SOX5: variants seen among roughly 807,000 people sequenced by gnomAD.
SOX5 encodes transcription factor SOX-5.
In SOX5, 9 loss-of-function variants were observed where a neutral mutation model predicts 92.0. The ratio of observed to expected loss-of-function variants is 0.10; its 90% CI spans 0.06 to 0.17. SOX5 has a LOEUF of 0.17. SOX5 is among the 10% of genes least tolerant of loss of function. The probability of loss-of-function intolerance (pLI) is 1.00; values close to 1 mark genes in which losing one functional copy is unlikely to be tolerated. For missense variants in SOX5, 642 were observed against 944.5 expected (o/e 0.68, Z 4.20); for synonymous variants, 344 against 336.3 (o/e 1.02, Z -0.25).
chr12:24,435,762 GTTTT>G (rs1321957357), intron 1 of SOX5, among the ~76,000 whole-genome samples: 1 of 99,592 alleles, frequency 1.0e-5, no homozygotes, highest in African/African-American at 3.4e-5. Context: ...ACTGTGGTTT[GTTTT>G]TTTGTTTTCT....
intron 7 of SOX5, among the ~76,000 whole-genome samples, chr12:23,649,328 G>A (rs16926509): frequency 0.016 from 2,462 of 151,910 alleles, 61 homozygotes; most frequent in African/African-American, 0.056. Flanking sequence ...ATCTATTTGC[G>A]CCATTCCTCA....
intron 3 of SOX5, among the ~76,000 whole-genome samples, chr12:24,237,065 A>G (rs1565721415): frequency 6.6e-6 from 1 of 152,226 alleles, no homozygotes; most frequent in Non-Finnish European, 1.5e-5. Flanking sequence ...CAAGAAATTG[A>G]TAATTTTTGA....
At chr12:24,262,667 C>T (rs1463631741) in intron 3 of SOX5, among the ~76,000 whole-genome samples, 1 of 152,180 alleles carries the variant, frequency 6.6e-6, no homozygotes, top group Non-Finnish European at 1.5e-5. Context: ...TTCTTCCTTT[C>T]ACTGGAGGGA....
At position 23,536,524 on chromosome 12, in the gene SOX5, C is replaced by T. The variant is rs1334172754; in HGVS notation, c.1917G>A (p.Lys639=). Reference sequence around the variant, plus strand: ...TTGCCTTGTATTCACCAATGCGCAGCTTTTTGCCATCCACCAGGCAGGTGC... The same window carrying T: ...TTGCCTTGTATTCACCAATGCGCAGTTTTTTGCCATCCACCAGGCAGGTGC... ...PKRTCLVDGK[K]LRIGEYKAIM... is the part of the protein sequence containing the mutation. Residue 639 remains lysine (K), a synonymous_variant, in exon 14 of 15, where the codon AAG becomes AAA. Coordinates refer to ENST00000451604, the MANE Select transcript of SOX5 (RefSeq NM_006940.6). 6.2e-7 allele frequency: 1 copy of T among 1,614,198 alleles called. No individual in the cohort carries two copies. The highest frequency in any genetic ancestry group is 1.1e-5 in the South Asian group (1 of 91,082).
At chr12:23,915,722 T>G (rs927261572) in intron 1 of SOX5, among the ~76,000 whole-genome samples, 6 of 152,132 alleles carry the variant, frequency 3.9e-5, no homozygotes, top group African/African-American at 1.4e-4. Flanking sequence ...ATTCCCACCA[T>G]GTGCTTCTTT....
At chr12:24,244,052 A>T (rs1359001801) in intron 3 of SOX5, among the ~76,000 whole-genome samples, 5 of 91,858 alleles carry the variant, frequency 5.4e-5, no homozygotes, top group African/African-American at 2.3e-4. Flanking sequence ...TATTGATAAA[A>T]AAAAAAAAAA....
chr12:23,597,488 G>A (rs891728096), intron 9 of SOX5, among the ~76,000 whole-genome samples: 2 of 152,182 alleles, frequency 1.3e-5, no homozygotes, highest in Admixed American at 6.5e-5. Flanking sequence ...AAGGAGAGGA[G>A]GAGGCTCATC....
chr12:23,733,622 T>C (rs2093474973), intron 6 of SOX5, among the ~76,000 whole-genome samples: 1 of 152,126 alleles, frequency 6.6e-6, no homozygotes, highest in Admixed American at 6.6e-5. Flanking sequence ...TCCATCAAAA[T>C]TAGGTGCGCC....
At chr12:24,400,433 C>A (rs1027802461) in intron 1 of SOX5, among the ~76,000 whole-genome samples, 6 of 152,154 alleles carry the variant, frequency 3.9e-5, no homozygotes, top group African/African-American at 1.4e-4. Context: ...GGAAGAATTT[C>A]GACTTTTAGG....
chr12:24,537,281 CAGGGGGTTT>C (rs1287236132), intron 1 of SOX5, among the ~76,000 whole-genome samples: 2 of 152,156 alleles, frequency 1.3e-5, no homozygotes, highest in African/African-American at 4.8e-5. Context: ...CAAAGTTTTA[CAGGGGGTTT>C]AGCAGACTCT....
At chr12:23,575,293 T>C (rs1049497278) in intron 10 of SOX5, among the ~76,000 whole-genome samples, 2 of 152,204 alleles carry the variant, frequency 1.3e-5, no homozygotes, top group African/African-American at 4.8e-5. Context: ...TCATAATGTA[T>C]ACTTTGTGCA....
rs138579751 is a variant in SOX5 at position 23,821,777 on chromosome 12, A to T, written c.481+24206T>A. 8.7e-3 allele frequency among the ~76,000 whole-genome samples: 1,318 copies of T among 151,932 alleles called. 19 individuals carry two copies. The highest frequency in any genetic ancestry group is 0.031 in the African/African-American group (1,268 of 41,430). ...TGTTCATCAGGGATATTGGCCTGAA[A>T]TTTTCTTTTTTTGCTGTATGTGTTG... On this transcript the variant is annotated intron_variant, in intron 3 of 14. Transcript: ENST00000451604.
chr12:24,059,984 C>T (rs1592766165), intron 4 of SOX5, among the ~76,000 whole-genome samples: 2 of 152,236 alleles, frequency 1.3e-5, no homozygotes, highest in East Asian at 3.9e-4. Flanking sequence ...ATGGAATTGT[C>T]TATGCTGAGC....
intron 4 of SOX5, among the ~76,000 whole-genome samples, chr12:24,089,589 T>G (rs571089919): frequency 6.6e-6 from 1 of 152,286 alleles, no homozygotes; most frequent in Admixed American, 6.5e-5. Flanking sequence ...AGAGCTATAT[T>G]GTCATCTTTG....
upstream of SOX5, among the ~76,000 whole-genome samples, chr12:23,955,656 TG>T (rs1946202879): frequency 6.6e-6 from 1 of 152,140 alleles, no homozygotes; most frequent in Non-Finnish European, 1.5e-5. Flanking sequence ...GTGATACACA[TG>T]GTGATGTCTA....
At chr12:24,146,950 T>C (rs181571914) in intron 4 of SOX5, among the ~76,000 whole-genome samples, 108 of 152,144 alleles carry the variant, frequency 7.1e-4, no homozygotes, top group Non-Finnish European at 4.4e-5. Flanking sequence ...ATAACACAAA[T>C]AGCTTCATGT....
chr12:24,331,943 T>G (rs1028694947), intron 2 of SOX5, among the ~76,000 whole-genome samples: 1 of 129,948 alleles, frequency 7.7e-6, no homozygotes, highest in Non-Finnish European at 1.6e-5. Flanking sequence ...AAGGTGTGAA[T>G]GTTTTATAGA....
chr12:24,523,313 C>T (rs777715400), intron 1 of SOX5, among the ~76,000 whole-genome samples: 1 of 152,074 alleles, frequency 6.6e-6, no homozygotes, highest in Non-Finnish European at 1.5e-5. Context: ...GTCCATACTA[C>T]CCAAAATGAT....
chr12:24,511,194 T>G (rs1216690710), intron 1 of SOX5, among the ~76,000 whole-genome samples: 2 of 152,234 alleles, frequency 1.3e-5, no homozygotes, highest in African/African-American at 4.8e-5. Flanking sequence ...TGAAGTCACA[T>G]GAACCAGAAA....
Sources: allele counts gnomAD v4.1 joint callset (sites outside exome capture counted in the v4.1 genomes callset), GRCh38; gene constraint gnomAD v4.1.1; transcripts MANE v1.5; gene names NCBI Gene and HGNC (gene_info 2026-07-23, HGNC 2026-07-21).